The following OR1J2 variants were observed in gnomAD, a reference collection of about 807,000 sequenced individuals.
OR1J2 encodes the protein olfactory receptor 1J2.
For synonymous variants in OR1J2, 142 were observed against 99.7 expected, an observed-to-expected ratio of 1.42 and a Z score of -2.52; for missense variants, 304 against 246.1, an observed-to-expected ratio of 1.24 and a Z score of -1.57.
chr9:122,511,323 C>T lies in OR1J2; in HGVS notation c.522C>T (p.Ile174=). The change falls in exon 1 of 1, where the codon ATC becomes ATT. Residue 174 remains isoleucine (I), a synonymous_variant. Transcript: ENST00000335302. The part of the protein sequence containing the change: ...TRLSFCAANT[I]PHVFCDLAAL... ...TGTCTTTCTGTGCTGCGAACACCAT[C>T]CCCCATGTCTTCTGTGACCTTGCTG... 1.4e-6 allele frequency: 1 copy of T among 727,958 alleles called. No homozygotes were observed. The highest frequency in any genetic ancestry group is 1.6e-5 in the South Asian group (1 of 64,058). 45.1% of individuals were successfully genotyped at this position (727,958 alleles called of 1,614,324 possible).
chr9:122,554,504 G>A, the OR1J2 span, among the ~76,000 whole-genome samples: 1 of 152,130 alleles, frequency 6.6e-6, no homozygotes, highest in Non-Finnish European at 1.5e-5. Context: ...GGCAGGCATG[G>A]GATGAGGTGA....
chr9:122,538,971 T>G, the OR1J2 span, among the ~76,000 whole-genome samples: 1 of 152,006 alleles, frequency 6.6e-6, no homozygotes, highest in Non-Finnish European at 1.5e-5. Flanking sequence ...AGTTCAACAT[T>G]GTGCAATATA....
chr9:122,488,265 G>C, the OR1J2 span, among the ~76,000 whole-genome samples: 1 of 152,126 alleles, frequency 6.6e-6, no homozygotes, highest in African/African-American at 2.4e-5. Context: ...AGCCTCCCAA[G>C]TAACTGGAAT....
the OR1J2 span, chr9:122,553,865 C>T: frequency 1.2e-6 from 2 of 1,614,106 alleles, no homozygotes; most frequent in Admixed American, 3.3e-5. Context: ...TGCTGATCGT[C>T]TTCTCCTATG....
At chr9:122,501,982 T>TG in the OR1J2 span, among the ~76,000 whole-genome samples, 1 of 152,204 alleles carries the variant, frequency 6.6e-6, no homozygotes, top group African/African-American at 2.4e-5. Context: ...GTGAGTGAGC[T>TG]GGGGGATTCA....
chr9:122,477,963 G>T, the OR1J2 span: 2 of 1,404,154 alleles, frequency 1.4e-6, no homozygotes, highest in Non-Finnish European at 1.9e-6. Flanking sequence ...GAAATTTGAA[G>T]GAAAAAAATG....
the OR1J2 span, among the ~76,000 whole-genome samples, chr9:122,447,820 C>G: frequency 6.6e-6 from 1 of 152,038 alleles, no homozygotes; most frequent in Non-Finnish European, 1.5e-5. Flanking sequence ...AGGATACATA[C>G]AACAGACAAG....
chr9:122,546,499 C>T, the OR1J2 span, among the ~76,000 whole-genome samples: 1 of 152,110 alleles, frequency 6.6e-6, no homozygotes, highest in African/African-American at 2.4e-5. Flanking sequence ...TGTGAGCTGT[C>T]CAAGTGATGA....
the OR1J2 span, among the ~76,000 whole-genome samples, chr9:122,493,682 TG>T: frequency 1.4e-3 from 216 of 152,292 alleles, 4 homozygotes; most frequent in Admixed American, 0.01. Context: ...TATTGTTTTT[TG>T]TTTGTTTCAT....
the OR1J2 span, among the ~76,000 whole-genome samples, chr9:122,497,067 T>C: frequency 6.6e-6 from 1 of 152,086 alleles, no homozygotes; most frequent in African/African-American, 2.4e-5. Flanking sequence ...CCGACAGCAC[T>C]GAGTCTATTT....
chr9:122,526,764 C>T, the OR1J2 span: 3 of 1,613,950 alleles, frequency 1.9e-6, no homozygotes, highest in African/African-American at 4.0e-5. Context: ...AGTGATGTCA[C>T]AGAAAAAGTG....
chr9:122,486,724 A>G, the OR1J2 span, among the ~76,000 whole-genome samples: 1 of 152,238 alleles, frequency 6.6e-6, no homozygotes, highest in Non-Finnish European at 1.5e-5. Flanking sequence ...TACAGAGTAT[A>G]AATAATTTGC....
the OR1J2 span, chr9:122,526,527 G>A: frequency 1.2e-6 from 2 of 1,604,006 alleles, no homozygotes; most frequent in East Asian, 4.5e-5. Flanking sequence ...ACACAGGTAG[G>A]CACTGAAGAG....
At chr9:122,472,701 G>A in the OR1J2 span, among the ~76,000 whole-genome samples, 1 of 152,176 alleles carries the variant, frequency 6.6e-6, no homozygotes, top group African/African-American at 2.4e-5. Context: ...GCATTCCCAG[G>A]AGATGAAGAC....
At chr9:122,554,009 A>C in the OR1J2 span, 4 of 1,613,774 alleles carry the variant, frequency 2.5e-6, no homozygotes, top group Non-Finnish European at 3.4e-6. Context: ...TACTTCCTCC[A>C]TCAACTTACT....
chr9:122,492,229 C>T, the OR1J2 span, among the ~76,000 whole-genome samples: 1 of 152,092 alleles, frequency 6.6e-6, no homozygotes, highest in South Asian at 2.1e-4. Flanking sequence ...TTAGCTCTCA[C>T]TTATAAGTGA....
chr9:122,495,861 C>T, the OR1J2 span, among the ~76,000 whole-genome samples: 2 of 152,106 alleles, frequency 1.3e-5, no homozygotes, highest in Non-Finnish European at 2.9e-5. Context: ...GTTCAGATTC[C>T]TTTGTCCTAC....
chr9:122,525,620 G>A, the OR1J2 span, among the ~76,000 whole-genome samples: 5 of 152,086 alleles, frequency 3.3e-5, no homozygotes, highest in Non-Finnish European at 5.9e-5. Context: ...GGATTTCCAC[G>A]TTCCTCTCAT....
chr9:122,527,100 G>T, the OR1J2 span: 3 of 1,614,210 alleles, frequency 1.9e-6, no homozygotes, highest in Non-Finnish European at 2.5e-6. Context: ...GTCAACAAAA[G>T]ACAGGTTGGC....
Sources: allele counts gnomAD v4.1 joint callset (sites outside exome capture counted in the v4.1 genomes callset), GRCh38; gene constraint gnomAD v4.1.1; transcripts MANE v1.5; gene names NCBI Gene and HGNC (gene_info 2026-07-23, HGNC 2026-07-21).